The following CHRNB2 variants were observed in gnomAD, a reference collection of about 807,000 sequenced individuals.
CHRNB2 encodes neuronal acetylcholine receptor subunit beta-2.
A neutral mutation model predicts 42.7 loss-of-function variants in CHRNB2; 33 were observed. That is an observed-to-expected ratio of 0.77 (90% CI 0.59 to 1.03). The LOEUF is 1.03. Ranked by LOEUF, CHRNB2 falls within the 50% of genes least tolerant of loss-of-function variation. CHRNB2 has a pLI of 0.00. For synonymous variants in CHRNB2, 325 were observed against 292.9 expected (o/e 1.11, Z -1.12); for missense variants, 603 against 700.9 (o/e 0.86, Z 1.58).
At position 154,567,789 on chromosome 1, in the gene CHRNB2, C is replaced by A; in HGVS notation, c.-256C>A. 4.7e-6 allele frequency: 2 copies of A among 423,380 alleles called. No individual in the cohort carries two copies. The highest frequency in any genetic ancestry group is 4.6e-5 in the Admixed American group (1 of 21,808). The allele number at this position is 423,380 out of a possible 1,614,324, so 26.2% of individuals were successfully genotyped here. The stretch of plus-strand genomic sequence containing the variant: ...CGCCTCCGGGGCGCAGACTCCTCCC[C>A]CTCACCGTCCCAATTGTATTCCCTG... On this transcript the variant is annotated 5_prime_UTR_variant, in exon 1 of 6. Transcript: ENST00000368476.
At position 154,579,372 on chromosome 1, in the gene CHRNB2, G is replaced by A. The variant is rs1571030263; in HGVS notation, c.*3440G>A. The A allele has an allele frequency of 6.6e-6, 1 of 152,238 alleles. No individual in the cohort carries two copies. The highest frequency in any genetic ancestry group is 1.9e-4 in the East Asian group (1 of 5,206). The allele number at this position is 152,238 out of a possible 1,614,324, so 9.4% of individuals were successfully genotyped here. A position where few individuals can be genotyped will look rare whatever the true frequency, so the allele number is the denominator to read the frequency against. ...CAGAAATGCGGCTCAGAAAGACCAAGTGACAGCTAGTGAGTAGTGCTGGGC... is the reference window on the plus strand; with the variant it reads ...CAGAAATGCGGCTCAGAAAGACCAAATGACAGCTAGTGAGTAGTGCTGGGC... On this transcript the variant is annotated 3_prime_UTR_variant, in exon 6 of 6. Transcript: ENST00000368476.
chr1:154,569,873 C>T (rs181644469), intron 3 of CHRNB2, 37 bp downstream of exon 3: 9 of 1,609,054 alleles, frequency 5.6e-6, no homozygotes, highest in South Asian at 2.2e-5. Context: ...ACACCCCTGG[C>T]CTTCTCTCTC....
In CHRNB2 at chr1:154,578,706, G is replaced by A. The variant is rs199783292; in HGVS notation, c.*2774G>A. 6.6e-6 allele frequency: 1 copy of A among 152,256 alleles called. No homozygotes were observed. The highest frequency in any genetic ancestry group is 2.4e-5 in the African/African-American group (1 of 41,448). The allele number at this position is 152,256 out of a possible 1,614,324, so 9.4% of individuals were successfully genotyped here. A position where few individuals can be genotyped will look rare whatever the true frequency, so the allele number is the denominator to read the frequency against. Reference sequence around the variant, plus strand: ...GGGAACCACAGTCTCTTCCACCCTTGGGTCGTGTGTCGTCCTCTTCTCTTG... The same window carrying A: ...GGGAACCACAGTCTCTTCCACCCTTAGGTCGTGTGTCGTCCTCTTCTCTTG... On this transcript the variant is annotated 3_prime_UTR_variant, in exon 6 of 6. Transcript: ENST00000368476.
At chr1:154,568,179 C>T in intron 1 of CHRNB2, 71 bp downstream of exon 1, 8 of 1,504,280 alleles carry the variant, frequency 5.3e-6, no homozygotes, top group Non-Finnish European at 7.2e-6. Flanking sequence ...CGCCCTCTGA[C>T]TCACCCCTGC....
chr1:154,570,556 T>TGACCAGCCCAC (rs1167874866), intron 4 of CHRNB2, among the ~76,000 whole-genome samples, 189 bp downstream of exon 4: 1 of 152,048 alleles, frequency 6.6e-6, no homozygotes, highest in Non-Finnish European at 1.5e-5. Flanking sequence ...ACCTGGGCAA[T>TGACCAGCCCAC]GACCAGCCCA....
In CHRNB2 at chr1:154,576,273, TTGTC is replaced by T. The variant is rs1696276926; in HGVS notation, c.*344_*347del. 2.5e-6 allele frequency: 1 copy of T among 402,764 alleles called. No individual in the cohort carries two copies. The highest frequency in any genetic ancestry group is 2.1e-5 in the South Asian group (1 of 47,454). 24.9% of individuals were successfully genotyped at this position (402,764 alleles called of 1,614,324 possible). The stretch of plus-strand genomic sequence containing the variant: ...GCAAGGGGCCAGGAAGGGGACAGGA[TTGTC>T]TGCTGCCTCCAAGTCATGGGAGAAG... On this transcript the variant is annotated 3_prime_UTR_variant, in exon 6 of 6. Transcript: ENST00000368476.
chr1:154,575,358 GAGA>G (rs1696252063), intron 5 of CHRNB2, among the ~76,000 whole-genome samples: 1 of 152,236 alleles, frequency 6.6e-6, no homozygotes, highest in Non-Finnish European at 1.5e-5. Context: ...GCAGCCTTCA[GAGA>G]AGGTGATGTT....
chr1:154,572,799 G>A (rs1696203107), intron 5 of CHRNB2, among the ~76,000 whole-genome samples: 2 of 152,116 alleles, frequency 1.3e-5, no homozygotes, highest in Non-Finnish European at 2.9e-5. Flanking sequence ...TGGGTGAAGG[G>A]GAAGGCTCCT....
intron 4 of CHRNB2, among the ~76,000 whole-genome samples, chr1:154,570,642 C>G (rs1385001143): frequency 6.6e-6 from 1 of 152,004 alleles, no homozygotes; most frequent in Non-Finnish European, 1.5e-5. Context: ...CAGCCCCCAG[C>G]GCCTCAACTG....
chr1:154,575,869 C>T lies in CHRNB2; in HGVS notation c.1446C>T (p.Leu482=). Residue 482 remains leucine, a synonymous_variant, in exon 6 of 6, where the codon CTC becomes CTT. Coordinates refer to ENST00000368476, the MANE Select transcript of CHRNB2 (RefSeq NM_000748.3). ...FGTIGMFLQP[L]FQNYTTTTFL... is the part of the protein sequence containing the mutation. ...CCATCGGCATGTTCCTGCAGCCTCT[C>T]TTCCAGAACTACACCACCACCACCT... The T allele has an allele frequency of 6.2e-7, 1 of 1,614,190 alleles. No homozygotes were observed. Among genetic ancestry groups the T allele is most frequent in the Non-Finnish European group, 8.5e-7 (1 of 1,180,036 alleles).
Position 154,576,188 on chromosome 1 carries a change from G to A in CHRNB2, c.*256G>A. 1.9e-6 allele frequency: 1 copy of A among 537,036 alleles called. No homozygotes were observed. The highest frequency in any genetic ancestry group is 3.4e-6 in the Non-Finnish European group (1 of 295,064). The allele number at this position is 537,036 out of a possible 1,614,324, so 33.3% of individuals were successfully genotyped here. A position where few individuals can be genotyped will look rare whatever the true frequency, so the allele number is the denominator to read the frequency against. ...GCCCAGGCAATAGTGTTGAGGAGGG[G>A]AGCAAGGCTGCTAAGTGGAAGACAG... On this transcript the variant is annotated 3_prime_UTR_variant, in exon 6 of 6. Coordinates refer to ENST00000368476, the MANE Select transcript of CHRNB2 (RefSeq NM_000748.3).
At chr1:154,569,388 T>G in intron 1 of CHRNB2, 74 bp from the exon 2 acceptor site, 1 of 1,585,220 alleles carries the variant, frequency 6.3e-7, no homozygotes, top group Non-Finnish European at 8.6e-7. Context: ...ATTGTCCCAT[T>G]TGCCTGGGGA....
Position 154,576,761 on chromosome 1 carries a change from G to A in CHRNB2, c.*829G>A, listed in dbSNP as rs1696288616. 1.3e-5 allele frequency: 2 copies of A among 152,282 alleles called. No individual in the cohort carries two copies. Among genetic ancestry groups the A allele is most frequent in the South Asian group, 4.1e-4 (2 of 4,830 alleles). 9.4% of individuals were successfully genotyped at this position (152,282 alleles called of 1,614,324 possible). On this transcript the variant is annotated 3_prime_UTR_variant, in exon 6 of 6. Coordinates refer to ENST00000368476, the MANE Select transcript of CHRNB2 (RefSeq NM_000748.3). ...TACTTGAAATCTGTGAGAAGTCCAA[G>A]TTCATGGGCTTTTGGAACTGGAAGA... is the stretch of plus-strand genomic sequence containing the variant.
intron 5 of CHRNB2, among the ~76,000 whole-genome samples, chr1:154,574,739 A>G (rs2101525946): frequency 6.6e-6 from 1 of 152,354 alleles, no homozygotes; most frequent in East Asian, 1.9e-4. Flanking sequence ...ACTGTAAACC[A>G]CTGGCTGCGT....
chr1:154,576,057 T>C lies in CHRNB2; in HGVS notation c.*125T>C. On this transcript the variant is annotated 3_prime_UTR_variant, in exon 6 of 6. Transcript: ENST00000368476. ...TGCCCCCACAGATCCATCCTTTTGCTTCATCTGGAGTCCCTCCTCCCCCAC... is the reference window on the plus strand; with the variant it reads ...TGCCCCCACAGATCCATCCTTTTGCCTCATCTGGAGTCCCTCCTCCCCCAC... 1 of 1,281,254 alleles carries C rather than the reference T, an allele frequency of 7.8e-7. No individual in the cohort carries two copies. Among genetic ancestry groups the C allele is most frequent in the Non-Finnish European group, 1.1e-6 (1 of 894,482 alleles). The allele number at this position is 1,281,254 out of a possible 1,614,324, so 79.4% of individuals were successfully genotyped here. A position where few individuals can be genotyped will look rare whatever the true frequency, so the allele number is the denominator to read the frequency against.
chr1:154,572,285 A>C, intron 5 of CHRNB2, 124 bp downstream of exon 5: 1 of 1,497,210 alleles, frequency 6.7e-7, no homozygotes, highest in Non-Finnish European at 8.9e-7. Context: ...GGAAAATGTG[A>C]GTCAGGCCTG....
chr1:154,572,494 C>T (rs1696195503), intron 5 of CHRNB2, among the ~76,000 whole-genome samples: 1 of 152,174 alleles, frequency 6.6e-6, no homozygotes, highest in Non-Finnish European at 1.5e-5. Context: ...GGCAGCCAGC[C>T]TGTGGCCGTG....
Position 154,579,310 on chromosome 1 carries a change from G to C in CHRNB2, c.*3378G>C, listed in dbSNP as rs200991937. 4.6e-5 allele frequency: 7 copies of C among 152,218 alleles called. No homozygotes were observed. The highest frequency in any genetic ancestry group is 1.4e-4 in the African/African-American group (6 of 41,436). 9.4% of individuals were successfully genotyped at this position (152,218 alleles called of 1,614,324 possible). A position where few individuals can be genotyped will look rare whatever the true frequency, so the allele number is the denominator to read the frequency against. ...TCAGCATGCGTTGTCTTTATTCCGC[G>C]TGACAATCCTATGGGAAGGGGCCTC... On this transcript the variant is annotated 3_prime_UTR_variant, in exon 6 of 6. Coordinates refer to ENST00000368476, the MANE Select transcript of CHRNB2 (RefSeq NM_000748.3).
chr1:154,569,707 G>A, intron 2 of CHRNB2, 85 bp from the exon 3 acceptor site: 1 of 1,612,738 alleles, frequency 6.2e-7, no homozygotes, highest in African/African-American at 1.3e-5. Flanking sequence ...TCCAAGGCTT[G>A]GGGAGGTGTG....
Sources: gnomAD v4.1 joint callset for allele counts (sites outside exome capture counted in the v4.1 genomes callset) on GRCh38, gnomAD v4.1.1 for gene constraint, MANE v1.5 for transcripts, NCBI Gene and HGNC (gene_info 2026-07-23, HGNC 2026-07-21) for gene names.